The following LRMDA variants were observed in gnomAD, a reference collection of about 807,000 sequenced individuals.
LRMDA encodes leucine-rich melanocyte differentiation-associated protein.
LRMDA carries 18 observed loss-of-function variants against 29.8 expected under a neutral mutation model. That is an observed-to-expected ratio of 0.60 (90% confidence interval 0.42 to 0.90). The LOEUF is 0.90. Among genes scored for constraint, LRMDA ranks in the 40% least tolerant of loss-of-function variants. The pLI, the probability that LRMDA is intolerant of heterozygous loss-of-function variation, is 0.00. For missense variants in LRMDA, 273 were observed against 273.9 expected, an observed-to-expected ratio of 1.00 and a Z score of 0.02; for synonymous variants, 125 against 109.4, an observed-to-expected ratio of 1.14 and a Z score of -0.89.
rs558385947 is a variant in LRMDA, at chr10:75,823,580, A to G, written c.132-212428A>G. On this transcript the variant is annotated intron_variant, in intron 2 of 6. Transcript: ENST00000611255. ...CAGTATGGACATTTCTCAAAGAATTAAAAATAGAACTACCCTTTGATCTTG... is the reference window on the plus strand; with the variant it reads ...CAGTATGGACATTTCTCAAAGAATTGAAAATAGAACTACCCTTTGATCTTG... Among the ~76,000 whole-genome samples the G allele has an allele frequency of 5.9e-5, 9 of 152,278 alleles. No individual in the cohort carries two copies. In the East Asian group the frequency reaches 1.7e-3, roughly 30 times the overall value.
At chr10:75,563,939 T>A (rs1251186711) in intron 2 of LRMDA, among the ~76,000 whole-genome samples, 1 of 152,208 alleles carries the variant, frequency 6.6e-6, no homozygotes, top group East Asian at 1.9e-4. Flanking sequence ...AGTCTGCCCC[T>A]ACTGGAAGGT....
At chr10:75,938,960 G>C (rs1052767737) in intron 2 of LRMDA, among the ~76,000 whole-genome samples, 2 of 152,170 alleles carry the variant, frequency 1.3e-5, no homozygotes, top group African/African-American at 4.8e-5. Context: ...GGGAAGCAGC[G>C]AACTGCAGAG....
intron 2 of LRMDA, among the ~76,000 whole-genome samples, chr10:75,819,389 GAGTCTGT>G (rs1384723965): frequency 9.3e-6 from 1 of 107,342 alleles, no homozygotes; most frequent in African/African-American, 4.1e-5. Flanking sequence ...AAACCATTTT[GAGTCTGT>G]AATGTGAAAT....
At chr10:75,461,290 G>C (rs1288314716) in intron 2 of LRMDA, among the ~76,000 whole-genome samples, 1 of 152,204 alleles carries the variant, frequency 6.6e-6, no homozygotes, top group Non-Finnish European at 1.5e-5. Context: ...TATTTGTCCA[G>C]TTTCTTCTCT....
intron 2 of LRMDA, among the ~76,000 whole-genome samples, chr10:75,599,580 G>C (rs893401357): frequency 6.6e-6 from 1 of 152,162 alleles, no homozygotes; most frequent in Admixed American, 6.5e-5. Flanking sequence ...TGGAGACGGC[G>C]GGTAGTAGAA....
chr10:75,631,749 G>A (rs1589140611), intron 2 of LRMDA, among the ~76,000 whole-genome samples: 1 of 152,230 alleles, frequency 6.6e-6, no homozygotes, highest in South Asian at 2.1e-4. Context: ...TGGCCCCTGT[G>A]ACATTGTTTC....
chr10:76,045,084 C>T (rs569885021), intron 3 of LRMDA, among the ~76,000 whole-genome samples: 12 of 147,112 alleles, frequency 8.2e-5, no homozygotes, highest in African/African-American at 3.0e-4. Flanking sequence ...TTCCCCCTCT[C>T]TTGCTAGTTT....
At chr10:75,854,721 C>T (rs1044819133) in intron 2 of LRMDA, among the ~76,000 whole-genome samples, 1 of 151,778 alleles carries the variant, frequency 6.6e-6, no homozygotes, top group Non-Finnish European at 1.5e-5. Context: ...CTCCCCACTC[C>T]CCCCACCCCA....
intron 2 of LRMDA, among the ~76,000 whole-genome samples, chr10:75,656,760 C>A (rs956906590): frequency 2.6e-5 from 4 of 152,192 alleles, no homozygotes; most frequent in African/African-American, 9.7e-5. Context: ...AATGATATTT[C>A]ATGGCCTAAG....
At chr10:75,838,307 G>T (rs1844478032) in intron 2 of LRMDA, among the ~76,000 whole-genome samples, 1 of 152,120 alleles carries the variant, frequency 6.6e-6, no homozygotes, top group African/African-American at 2.4e-5. Context: ...CAAATCCAGA[G>T]AAAAATGTAT....
chr10:75,755,942 A>G (rs531806955), intron 2 of LRMDA, among the ~76,000 whole-genome samples: 108 of 152,232 alleles, frequency 7.1e-4, no homozygotes, highest in Non-Finnish European at 1.2e-3. Context: ...TTCTAAATGT[A>G]CTGGTCTGGC....
rs375697677 is a variant in LRMDA at position 76,508,582 on chromosome 10, T to A, written c.602-48627T>A. ...ATTTGCCCATTGGGAGACTGTTCCATTTGACTCTTGACTTTTTTTTTTTAC... is the reference window on the plus strand; with the variant it reads ...ATTTGCCCATTGGGAGACTGTTCCAATTGACTCTTGACTTTTTTTTTTTAC... On this transcript the variant is annotated intron_variant, in intron 6 of 6. Coordinates refer to ENST00000611255, the MANE Select transcript of LRMDA (RefSeq NM_001305581.2). 3.9e-5 allele frequency among the ~76,000 whole-genome samples: 6 copies of A among 152,190 alleles called. No homozygotes were observed. In the South Asian group the frequency reaches 8.3e-4, roughly 21 times the overall value.
chr10:76,229,886 G>A (rs1429957235), intron 5 of LRMDA, among the ~76,000 whole-genome samples: 2 of 152,056 alleles, frequency 1.3e-5, no homozygotes, highest in African/African-American at 4.8e-5. Flanking sequence ...TTGCCCCTTA[G>A]TTCACTTTCT....
rs938810879 is a variant in LRMDA, at chr10:75,553,062, A to G, written c.131+114568A>G. On this transcript the variant is annotated intron_variant, in intron 2 of 6. Coordinates refer to ENST00000611255, the MANE Select transcript of LRMDA (RefSeq NM_001305581.2). ...ACATCTGTTTCTGGTAATGTTGACT[A>G]CTTTATCTTTTGACCAAGAGTCTTC... Among the ~76,000 whole-genome samples the G allele has an allele frequency of 2.2e-4, 34 of 152,272 alleles. 1 individual carries two copies. The highest frequency in any genetic ancestry group is 1.7e-3 in the Admixed American group (26 of 15,280).
chr10:75,717,311 T>A (rs1361376940), intron 2 of LRMDA, among the ~76,000 whole-genome samples: 1 of 152,206 alleles, frequency 6.6e-6, no homozygotes, highest in Admixed American at 6.5e-5. Flanking sequence ...CAGTGACTCA[T>A]GGTTGAGGTC....
chr10:76,465,780 T>C (rs569577464), intron 6 of LRMDA, among the ~76,000 whole-genome samples: 27 of 152,232 alleles, frequency 1.8e-4, no homozygotes, highest in African/African-American at 5.3e-4. Context: ...GTGGGGTTGA[T>C]TTCCTCCGAG....
At chr10:76,345,299 C>T (rs946071254) in intron 6 of LRMDA, among the ~76,000 whole-genome samples, 1 of 149,956 alleles carries the variant, frequency 6.7e-6, no homozygotes, top group South Asian at 2.1e-4. Context: ...GTCTCGATCT[C>T]CTGACCTCGT....
At chr10:76,253,415 G>A (rs1852521988) in intron 5 of LRMDA, among the ~76,000 whole-genome samples, 1 of 151,864 alleles carries the variant, frequency 6.6e-6, no homozygotes, top group East Asian at 1.9e-4. Flanking sequence ...AATTTATAAT[G>A]TTTATGGTCT....
chr10:76,405,500 G>A (rs1047391320), intron 6 of LRMDA, among the ~76,000 whole-genome samples: 1 of 152,174 alleles, frequency 6.6e-6, no homozygotes, highest in Admixed American at 6.5e-5. Flanking sequence ...ATACAACAGG[G>A]TAAAGGACCA....
Sources: allele counts gnomAD v4.1 joint callset (sites outside exome capture counted in the v4.1 genomes callset), GRCh38; gene constraint gnomAD v4.1.1; transcripts MANE v1.5; gene names NCBI Gene and HGNC (gene_info 2026-07-23, HGNC 2026-07-21).